ASPH: variants seen among roughly 807,000 people sequenced by gnomAD.
ASPH encodes aspartyl/asparaginyl beta-hydroxylase.
ASPH carries 100 observed loss-of-function variants against 118.4 expected under a neutral mutation model. That is an observed-to-expected ratio of 0.84 (90% confidence interval 0.72 to 1.00). The LOEUF is 1.00. Among genes scored for constraint, ASPH ranks in the 50% least tolerant of loss-of-function variants. The pLI, the probability that ASPH is intolerant of heterozygous loss-of-function variation, is 0.00. For missense variants in ASPH, 920 were observed against 919.5 expected, an observed-to-expected ratio of 1.00 and a Z score of -0.01; for synonymous variants, 315 against 325.6, an observed-to-expected ratio of 0.97 and a Z score of 0.35.
chr8:61,560,689 G>C (rs1013219481), intron 18 of ASPH, among the ~76,000 whole-genome samples: 3 of 152,052 alleles, frequency 2.0e-5, no homozygotes, highest in African/African-American at 7.2e-5. Flanking sequence ...ATGAGATTAT[G>C]ATATAAAATG....
chr8:61,673,238 G>A (rs963477702), intron 3 of ASPH, among the ~76,000 whole-genome samples: 1 of 152,096 alleles, frequency 6.6e-6, no homozygotes, highest in African/African-American at 2.4e-5. Context: ...GGATCCCCAG[G>A]GCAGCAGGCT....
chr8:61,639,048 T>C (rs1278347150), intron 10 of ASPH, among the ~76,000 whole-genome samples: 2 of 152,122 alleles, frequency 1.3e-5, no homozygotes, highest in African/African-American at 2.4e-5. Context: ...GCACCTACTA[T>C]CTTTCAGACA....
intron 3 of ASPH, chr8:61,663,862 C>T (rs1326676306): frequency 2.1e-6 from 2 of 973,956 alleles, no homozygotes; most frequent in Non-Finnish European, 2.4e-6. Flanking sequence ...AAGGCGTTAA[C>T]CTAAGAAAAA....
chr8:61,625,695 T>C, intron 13 of ASPH: 1 of 985,128 alleles, frequency 1.0e-6, no homozygotes, highest in Non-Finnish European at 1.2e-6. Flanking sequence ...AAAGTGTTAA[T>C]CTGAACACTT....
At chr8:61,638,447 T>A in intron 10 of ASPH, 84 bp from the exon 11 acceptor site, 2 of 1,176,342 alleles carry the variant, frequency 1.7e-6, no homozygotes, top group Non-Finnish European at 2.5e-6. Context: ...GCAGAGACAA[T>A]GCCTTATGCA....
chr8:61,533,252 A>C (rs1818266607), intron 21 of ASPH, among the ~76,000 whole-genome samples: 1 of 152,046 alleles, frequency 6.6e-6, no homozygotes. Flanking sequence ...CTTAGCTTCT[A>C]ATACTGCTTT....
At chr8:61,589,805 G>A (rs1840547816) in intron 14 of ASPH, among the ~76,000 whole-genome samples, 1 of 152,172 alleles carries the variant, frequency 6.6e-6, no homozygotes, top group Admixed American at 6.5e-5. Flanking sequence ...CTTTCTTAAG[G>A]AGGTTATAGT....
At chr8:61,539,010 G>A (rs1820673325) in intron 21 of ASPH, among the ~76,000 whole-genome samples, 1 of 152,188 alleles carries the variant, frequency 6.6e-6, no homozygotes, top group African/African-American at 2.4e-5. Context: ...AGGAGGCCAA[G>A]GTAGACGGAT....
chr8:61,575,997 A>G (rs1393134615), intron 16 of ASPH, among the ~76,000 whole-genome samples: 1 of 152,146 alleles, frequency 6.6e-6, no homozygotes, highest in Non-Finnish European at 1.5e-5. Context: ...AATAAAGGCT[A>G]TGGCCAAACC....
chr8:61,663,079 A>T, intron 3 of ASPH: 1 of 985,416 alleles, frequency 1.0e-6, no homozygotes, highest in Non-Finnish European at 1.2e-6. Flanking sequence ...CATAAGTTTT[A>T]AAAAAACATT....
intron 24 of ASPH, among the ~76,000 whole-genome samples, chr8:61,515,118 C>A (rs1810405789): frequency 6.6e-6 from 1 of 151,910 alleles, no homozygotes; most frequent in Non-Finnish European, 1.5e-5. Flanking sequence ...GGTGAAAGAA[C>A]AAATAGGCTG....
chr8:61,549,027 T>C (rs1824926532), intron 20 of ASPH, among the ~76,000 whole-genome samples: 1 of 152,148 alleles, frequency 6.6e-6, no homozygotes, highest in African/African-American at 2.4e-5. Flanking sequence ...TCCATTGTCT[T>C]TTGAATGGAA....
At chr8:61,524,991 G>A (rs979988756) in intron 22 of ASPH, among the ~76,000 whole-genome samples, 6 of 152,172 alleles carry the variant, frequency 3.9e-5, no homozygotes, top group Non-Finnish European at 8.8e-5. Context: ...AAAAATTCTT[G>A]TTGGCAAAAA....
chr8:61,638,558 A>G (rs1260912226), intron 10 of ASPH, among the ~76,000 whole-genome samples, 195 bp from the exon 11 acceptor site: 1 of 152,176 alleles, frequency 6.6e-6, no homozygotes, highest in Non-Finnish European at 1.5e-5. Context: ...TTCTAATTCC[A>G]GGGCAGCCAC....
intron 3 of ASPH, among the ~76,000 whole-genome samples, chr8:61,669,477 G>A (rs1821341812): frequency 1.3e-5 from 2 of 152,150 alleles, no homozygotes; most frequent in African/African-American, 4.8e-5. Context: ...TTATTCCCAT[G>A]TGTTTAAAAA....
chr8:61,664,192 C>T (rs1043160911), intron 3 of ASPH: 5 of 969,548 alleles, frequency 5.2e-6, no homozygotes, highest in Non-Finnish European at 6.1e-6. Flanking sequence ...TAAAACTTCA[C>T]TTTTATATTA....
chr8:61,612,161 T>C (rs570792824), intron 14 of ASPH, among the ~76,000 whole-genome samples: 1 of 151,736 alleles, frequency 6.6e-6, no homozygotes, highest in Non-Finnish European at 1.5e-5. Flanking sequence ...TATTAATGAG[T>C]AAACAGACAT....
At chr8:61,504,426 T>C (rs1805637607) in intron 24 of ASPH, among the ~76,000 whole-genome samples, 2 of 152,226 alleles carry the variant, frequency 1.3e-5, no homozygotes, top group African/African-American at 4.8e-5. Flanking sequence ...TATTATAGCA[T>C]GGGAAATGCT....
chr8:61,669,804 C>A (rs75999998), intron 3 of ASPH, among the ~76,000 whole-genome samples: 5 of 152,116 alleles, frequency 3.3e-5, no homozygotes, highest in Non-Finnish European at 7.4e-5. Context: ...CTCCCTACCC[C>A]CACTGTTATG....
Sources: allele counts gnomAD v4.1 joint callset (sites outside exome capture counted in the v4.1 genomes callset), GRCh38; gene constraint gnomAD v4.1.1; transcripts MANE v1.5; gene names NCBI Gene and HGNC (gene_info 2026-07-23, HGNC 2026-07-21).